PARD3B: variants seen among roughly 807,000 people sequenced by gnomAD.
PARD3B encodes the protein partitioning defective 3 homolog B.
Under a neutral mutation model 130.2 loss-of-function variants are expected in PARD3B, and 103 were observed. The observed-to-expected ratio is 0.79, with a 90% CI of 0.67 to 0.93. The LOEUF is 0.93. Among genes scored for constraint, PARD3B ranks in the 40% least tolerant of loss-of-function variants. The pLI is 0.00. For missense variants in PARD3B, 1,609 were observed against 1,499.2 expected, an observed-to-expected ratio of 1.07 and a Z score of -1.21; for synonymous variants, 583 against 553.2, an observed-to-expected ratio of 1.05 and a Z score of -0.76.
rs1291242821 is a variant in PARD3B at position 205,550,933 on chromosome 2, G to GTATATATATATA, written c.3181-2390_3181-2389insATATATATATAT. Among the ~76,000 whole-genome samples, 10 of 115,610 alleles carry GTATATATATATA rather than the reference G, an allele frequency of 8.6e-5. No homozygotes were observed. Among genetic ancestry groups the GTATATATATATA allele is most frequent in the Non-Finnish European group, 1.6e-4 (9 of 56,068 alleles). The allele number at this position is 115,610 out of a possible 152,430, so 75.8% of individuals were successfully genotyped here. On this transcript the variant is annotated intron_variant, in intron 21 of 22. Coordinates refer to ENST00000406610, the MANE Select transcript of PARD3B (RefSeq NM_001302769.2). The surrounding 1 kb of genome is among the most constrained non-coding windows in gnomAD (Gnocchi z 4.5). Reference sequence around the variant, plus strand: ...TAAATACATATAATTATGTGTGTGTGTGTGTGTGTATATATATATGTGTAT... The same window carrying GTATATATATATA: ...TAAATACATATAATTATGTGTGTGTGTATATATATATATGTGTGTGTATATATATATGTGTAT...
chr2:204,843,752 C>T (rs1221619630), intron 2 of PARD3B, among the ~76,000 whole-genome samples: 1 of 152,132 alleles, frequency 6.6e-6, no homozygotes, highest in Non-Finnish European at 1.5e-5. Flanking sequence ...CTGCCTTTGT[C>T]TGTTTAGATC....
intron 4 of PARD3B, among the ~76,000 whole-genome samples, chr2:205,090,851 GA>G (rs1292016664): frequency 6.6e-6 from 1 of 152,198 alleles, no homozygotes; most frequent in African/African-American, 2.4e-5. Flanking sequence ...AGTTCTTTAT[GA>G]AGCTGGTTTG....
chr2:205,416,564 C>A (rs1312583207), intron 19 of PARD3B, among the ~76,000 whole-genome samples: 1 of 152,098 alleles, frequency 6.6e-6, no homozygotes, highest in Non-Finnish European at 1.5e-5. Flanking sequence ...ATCTGCTAAG[C>A]CCTTGGCCTG....
chr2:204,953,447 A>AGAGAGAGAGAGG (rs1689973255), intron 2 of PARD3B, among the ~76,000 whole-genome samples: 1 of 151,368 alleles, frequency 6.6e-6, no homozygotes, highest in African/African-American at 2.4e-5. Context: ...AGAGAGAGAG[A>AGAGAGAGAGAGG]GAGAGAGAGA....
At chr2:205,403,059 A>G (rs1354853144) in intron 19 of PARD3B, among the ~76,000 whole-genome samples, 2 of 152,204 alleles carry the variant, frequency 1.3e-5, no homozygotes, top group Non-Finnish European at 2.9e-5. Context: ...ACTCTTAAAG[A>G]ACTCAGCGAG....
rs1575282849 is a variant in PARD3B, at chr2:205,534,382, G to A, written c.3181-18942G>A. 1.3e-5 allele frequency among the ~76,000 whole-genome samples: 2 copies of A among 152,312 alleles called. 1 individual carries two copies. The highest frequency in any genetic ancestry group is 4.8e-5 in the African/African-American group (2 of 41,552). On this transcript the variant is annotated intron_variant, in intron 21 of 22. Coordinates refer to ENST00000406610, the MANE Select transcript of PARD3B (RefSeq NM_001302769.2). ...GCAAGATGCTTGGGAAGCTGGAGGA[G>A]CAGAGAGGAGAGTGAGTGAGAAGGA...
At chr2:205,299,929 T>G (rs1281722994) in intron 16 of PARD3B, among the ~76,000 whole-genome samples, 2 of 152,188 alleles carry the variant, frequency 1.3e-5, no homozygotes, top group Non-Finnish European at 2.9e-5. Flanking sequence ...TACCATACAT[T>G]AATAGCCAAT....
chr2:205,266,747 G>C (rs1026373953), intron 16 of PARD3B, among the ~76,000 whole-genome samples: 2 of 152,062 alleles, frequency 1.3e-5, no homozygotes, highest in African/African-American at 4.8e-5. Flanking sequence ...AGCAATTAAA[G>C]GATTCTTTTC....
chr2:205,222,190 AAAG>A (rs1372290326), intron 15 of PARD3B, among the ~76,000 whole-genome samples: 1 of 152,160 alleles, frequency 6.6e-6, no homozygotes, highest in Non-Finnish European at 1.5e-5. Flanking sequence ...AAAAAAAAAA[AAAG>A]AAACACATAT....
intron 4 of PARD3B, among the ~76,000 whole-genome samples, chr2:205,073,936 C>A (rs1206145318): frequency 1.3e-5 from 2 of 152,154 alleles, no homozygotes; most frequent in Non-Finnish European, 2.9e-5. Flanking sequence ...TACATGTGAA[C>A]AACCTAGCCC....
At position 205,301,182 on chromosome 2, in the gene PARD3B, A is replaced by G. The variant is rs1016461500; in HGVS notation, c.2393-282A>G. Among the ~76,000 whole-genome samples, 1 of 152,224 alleles carries G rather than the reference A, an allele frequency of 6.6e-6. No individual in the cohort carries two copies. The highest frequency in any genetic ancestry group is 2.4e-5 in the African/African-American group (1 of 41,466). ...GCATGCAGGCTTTCTGAGCTGATCA[A>G]GGTTAACAAGGCAGCTTTCAGAGAG... On this transcript the variant is annotated intron_variant, in intron 17 of 22. Transcript: ENST00000406610. This position sits in a 1 kb window ranked among gnomAD's most constrained non-coding sequence, Gnocchi z 5.2.
intron 2 of PARD3B, among the ~76,000 whole-genome samples, chr2:204,746,659 TA>T (rs1318003441): frequency 6.6e-6 from 1 of 152,176 alleles, no homozygotes; most frequent in Non-Finnish European, 1.5e-5. Context: ...CCTGACTTTT[TA>T]ATGATCGCCA....
chr2:205,230,987 A>G lies in PARD3B; in HGVS notation c.2141-14791A>G, dbSNP rs1472451387. Among the ~76,000 whole-genome samples, 2 of 152,096 alleles carry G rather than the reference A, an allele frequency of 1.3e-5. No individual in the cohort carries two copies. Among genetic ancestry groups the G allele is most frequent in the African/African-American group, 4.8e-5 (2 of 41,420 alleles). The stretch of plus-strand genomic sequence containing the variant: ...CCCAAGGTGCACAGATTCTGTCTGT[A>G]CCATGTGTCTTCTTCAGGGGAGTGG... On this transcript the variant is annotated intron_variant, in intron 15 of 22. Transcript: ENST00000406610. The surrounding 1 kb of genome is among the most constrained non-coding windows in gnomAD (Gnocchi z 4.1).
intron 20 of PARD3B, among the ~76,000 whole-genome samples, chr2:205,450,762 C>T (rs2106194234): frequency 6.6e-6 from 1 of 152,270 alleles, no homozygotes; most frequent in African/African-American, 2.4e-5. Context: ...AGGCATGAGC[C>T]ACTGCACCCA....
At chr2:205,032,454 T>A (rs1315739682) in intron 3 of PARD3B, among the ~76,000 whole-genome samples, 2 of 152,102 alleles carry the variant, frequency 1.3e-5, no homozygotes, top group East Asian at 1.9e-4. Flanking sequence ...TTAAAGCTGA[T>A]CCTTGGGCTC....
intron 2 of PARD3B, among the ~76,000 whole-genome samples, chr2:204,833,670 C>G (rs1039130445): frequency 6.6e-5 from 10 of 152,018 alleles, no homozygotes; most frequent in African/African-American, 2.4e-4. Flanking sequence ...AGTTCTGTCT[C>G]GTCTGCCAGC....
At chr2:204,883,404 AT>A (rs1176679364) in intron 2 of PARD3B, among the ~76,000 whole-genome samples, 3 of 124,582 alleles carry the variant, frequency 2.4e-5, no homozygotes, top group Non-Finnish European at 4.8e-5. Flanking sequence ...GTATATATAT[AT>A]TATATATATA....
At position 204,765,731 on chromosome 2, in the gene PARD3B, G is replaced by A. The variant is rs532668088; in HGVS notation, c.222+79449G>A. On this transcript the variant is annotated intron_variant, in intron 2 of 22. Transcript: ENST00000406610. ...GAAATTGAAGTAGAACATTTATCAG[G>A]TGCCCTTAGGCTACAAACTAATAAT... 2.0e-5 allele frequency among the ~76,000 whole-genome samples: 3 copies of A among 152,156 alleles called. No individual in the cohort carries two copies. The East Asian group carries it at 5.8e-4, about 29-fold the overall frequency.
chr2:204,821,522 G>A (rs985307860), intron 2 of PARD3B, among the ~76,000 whole-genome samples: 2 of 134,318 alleles, frequency 1.5e-5, no homozygotes, highest in Non-Finnish European at 3.1e-5. Context: ...GACACAGGAA[G>A]GGGAACATCA....
Sources: allele counts gnomAD v4.1 joint callset (sites outside exome capture counted in the v4.1 genomes callset), GRCh38; gene constraint gnomAD v4.1.1; non-coding constraint Gnocchi (gnomAD v3.1); transcripts MANE v1.5; gene names NCBI Gene and HGNC (gene_info 2026-07-23, HGNC 2026-07-21).